The following PCDH9 variants were observed in gnomAD, a reference collection of about 807,000 sequenced individuals.
The protein encoded by PCDH9 is protocadherin-9.
Under a neutral mutation model 70.6 loss-of-function variants are expected in PCDH9, and 24 were observed. The observed-to-expected ratio is 0.34, with a 90% CI of 0.25 to 0.48. The LOEUF is 0.48. PCDH9 is among the 20% of genes least tolerant of loss of function. The pLI, the probability that PCDH9 is intolerant of heterozygous loss-of-function variation, is 0.99. For synonymous variants in PCDH9, 562 were observed against 558.5 expected, an observed-to-expected ratio of 1.01 and a Z score of -0.09; for missense variants, 1,281 against 1,503.6, an observed-to-expected ratio of 0.85 and a Z score of 2.45.
chr13:66,492,806 G>A (rs1323579776), intron 4 of PCDH9, among the ~76,000 whole-genome samples: 1 of 152,054 alleles, frequency 6.6e-6, no homozygotes, highest in African/African-American at 2.4e-5. Flanking sequence ...ATAAGGTCAG[G>A]ATCAAATTAA....
intron 4 of PCDH9, among the ~76,000 whole-genome samples, chr13:66,531,545 T>G (rs1960454870): frequency 6.6e-6 from 1 of 152,104 alleles, no homozygotes; most frequent in African/African-American, 2.4e-5. Context: ...TCACTTGATA[T>G]TCTTTACTAT....
At chr13:67,066,169 T>C (rs2085643367) in intron 2 of PCDH9, among the ~76,000 whole-genome samples, 1 of 152,192 alleles carries the variant, frequency 6.6e-6, no homozygotes, top group African/African-American at 2.4e-5. Context: ...GATATATTTG[T>C]GCATGTTTAG....
intron 3 of PCDH9, among the ~76,000 whole-genome samples, chr13:66,753,835 G>C (rs1274057235): frequency 6.6e-6 from 1 of 151,914 alleles, no homozygotes; most frequent in Non-Finnish European, 1.5e-5. Context: ...TTAAACATAA[G>C]GTACCTAATC....
chr13:66,923,740 G>T (rs1347465229), intron 2 of PCDH9, among the ~76,000 whole-genome samples: 2 of 151,692 alleles, frequency 1.3e-5, no homozygotes, highest in East Asian at 3.9e-4. Flanking sequence ...CCCTGGCAGG[G>T]TTAGAGGGCC....
chr13:66,411,328 C>G (rs888846620), intron 4 of PCDH9, among the ~76,000 whole-genome samples: 1 of 152,134 alleles, frequency 6.6e-6, no homozygotes, highest in Admixed American at 6.5e-5. Flanking sequence ...GAAGAGTTGT[C>G]CAGGCTGGAG....
At chr13:67,223,463 A>G (rs1390478077) in intron 2 of PCDH9, 5 of 152,140 alleles carry the variant, frequency 3.3e-5, no homozygotes, top group African/African-American at 1.2e-4. Flanking sequence ...AAGTCATATT[A>G]GTTTCTCAAC....
intron 3 of PCDH9, among the ~76,000 whole-genome samples, chr13:66,761,909 A>G (rs2139251782): frequency 6.6e-6 from 1 of 151,106 alleles, no homozygotes; most frequent in South Asian, 2.1e-4. Context: ...TATTTTGTCC[A>G]TTTGGTAGTG....
chr13:66,306,410 T>C (rs1955466571), intron 4 of PCDH9: 1 of 150,380 alleles, frequency 6.6e-6, no homozygotes. Context: ...TCAAAATAGA[T>C]ACAGAATGTA....
At chr13:66,824,651 G>GATATATATATATATATAT (rs67211029) in intron 3 of PCDH9, among the ~76,000 whole-genome samples, 1 of 99,078 alleles carries the variant, frequency 1.0e-5, no homozygotes, top group African/African-American at 4.8e-5. Context: ...GCGAAACTCT[G>GATATATATATATATATAT]ATATATATAT....
Position 66,575,122 on chromosome 13 carries a change from G to A in PCDH9, c.3340+56088C>T, listed in dbSNP as rs1165094586. Among the ~76,000 whole-genome samples the A allele has an allele frequency of 5.3e-5, 8 of 149,758 alleles. No homozygotes were observed. In the South Asian group the frequency reaches 6.4e-4, roughly 12 times the overall value. ...TGGGAAGCAGAGGTTGTGGTGAGCCGAGATCTCACCATTGCACTCCAGCCA... is the reference window on the plus strand; with the variant it reads ...TGGGAAGCAGAGGTTGTGGTGAGCCAAGATCTCACCATTGCACTCCAGCCA... On this transcript the variant is annotated intron_variant, in intron 4 of 4. Transcript: ENST00000377865.
rs555534708 is a variant in PCDH9 at position 66,432,192 on chromosome 13, C to G, written c.3341-127164G>C. Reference sequence around the variant, plus strand: ...ATTATCCAAATGTTTAAGTAAACTTCAACCACATAAAACCCTTGAATCAAG... The same window carrying G: ...ATTATCCAAATGTTTAAGTAAACTTGAACCACATAAAACCCTTGAATCAAG... On this transcript the variant is annotated intron_variant, in intron 4 of 4. Transcript: ENST00000377865. Among the ~76,000 whole-genome samples the G allele has an allele frequency of 4.6e-5, 7 of 152,052 alleles. 1 individual carries two copies. The South Asian group carries it at 1.5e-3, about 32-fold the overall frequency.
At chr13:66,329,141 ACAT>A (rs758657797) in intron 4 of PCDH9, among the ~76,000 whole-genome samples, 5 of 152,196 alleles carry the variant, frequency 3.3e-5, no homozygotes, top group Non-Finnish European at 7.3e-5. Flanking sequence ...ATAGTAAGTC[ACAT>A]CATACAGCAT....
intron 3 of PCDH9, among the ~76,000 whole-genome samples, chr13:66,819,228 T>G (rs2080665428): frequency 1.3e-5 from 2 of 151,924 alleles, no homozygotes; most frequent in Non-Finnish European, 2.9e-5. Flanking sequence ...TTTAATCAGG[T>G]GCCCAAATCT....
At chr13:66,375,229 T>C (rs1956727303) in intron 4 of PCDH9, among the ~76,000 whole-genome samples, 1 of 152,134 alleles carries the variant, frequency 6.6e-6, no homozygotes, top group African/African-American at 2.4e-5. Context: ...ATAATATTTC[T>C]AACTCTGTCC....
At chr13:66,777,396 A>G (rs889028267) in intron 3 of PCDH9, among the ~76,000 whole-genome samples, 1 of 151,856 alleles carries the variant, frequency 6.6e-6, no homozygotes, top group Non-Finnish European at 1.5e-5. Flanking sequence ...CAAAGGGCTA[A>G]TATCCAGAAT....
At chr13:66,487,509 G>A (rs1958964010) in intron 4 of PCDH9, among the ~76,000 whole-genome samples, 1 of 152,020 alleles carries the variant, frequency 6.6e-6, no homozygotes, top group Non-Finnish European at 1.5e-5. Context: ...CCTATTTATA[G>A]TATTGATATT....
intron 3 of PCDH9, among the ~76,000 whole-genome samples, chr13:66,747,977 T>G (rs2079398264): frequency 1.3e-5 from 2 of 152,212 alleles, no homozygotes. Flanking sequence ...TAGTGTGGTA[T>G]AGCCAATTAA....
chr13:66,365,782 G>C (rs1352842947), intron 4 of PCDH9, among the ~76,000 whole-genome samples: 1 of 152,026 alleles, frequency 6.6e-6, no homozygotes, highest in African/African-American at 2.4e-5. Flanking sequence ...CTAATACATT[G>C]CTTGATACGT....
chr13:66,805,934 AACCAT>A (rs996972611), intron 3 of PCDH9, among the ~76,000 whole-genome samples: 145 of 152,248 alleles, frequency 9.5e-4, no homozygotes, highest in African/African-American at 3.5e-3. Context: ...TTACTCAGTA[AACCAT>A]CAATCAACTC....
Sources: gnomAD v4.1 joint callset for allele counts (sites outside exome capture counted in the v4.1 genomes callset) on GRCh38, gnomAD v4.1.1 for gene constraint, MANE v1.5 for transcripts, NCBI Gene and HGNC (gene_info 2026-07-23, HGNC 2026-07-21) for gene names.